TAAR1: variants seen among roughly 807,000 people sequenced by gnomAD.
TAAR1 encodes trace amine associated receptor 1.
A neutral mutation model predicts 1.2 loss-of-function variants in TAAR1; 1 was observed. The observed-to-expected ratio is 0.81, with a 90% CI of 0.29 to 3.86. TAAR1 has a LOEUF of 3.86. Among genes scored for constraint, TAAR1 ranks in the 30% most tolerant of loss-of-function variants. TAAR1 has a pLI of 0.18. For missense variants in TAAR1, 445 were observed against 405.6 expected (o/e 1.10, Z -0.83); for synonymous variants, 153 against 132.2 (o/e 1.16, Z -1.08).
intron 1 of TAAR1, among the ~76,000 whole-genome samples, chr6:132,652,541 G>A (rs1410009283): frequency 1.3e-5 from 2 of 150,046 alleles, no homozygotes; most frequent in African/African-American, 2.5e-5. Flanking sequence ...TCCTGACCTC[G>A]TGATCCGCCT....
chr6:132,658,168 A>T (rs75163823), intron 1 of TAAR1, among the ~76,000 whole-genome samples: 4,657 of 152,264 alleles, frequency 0.031, 273 homozygotes, highest in African/African-American at 0.1. Flanking sequence ...TTTAATAAAC[A>T]TACTAAAATA....
chr6:132,649,942 C>T (rs993385504), intron 1 of TAAR1, among the ~76,000 whole-genome samples: 5 of 152,128 alleles, frequency 3.3e-5, no homozygotes, highest in South Asian at 2.1e-4. Flanking sequence ...TGTCACTGTC[C>T]GTAACGCTAC....
intron 1 of TAAR1, among the ~76,000 whole-genome samples, chr6:132,653,915 T>C (rs1309117655): frequency 3.3e-5 from 5 of 152,186 alleles, no homozygotes; most frequent in African/African-American, 1.2e-4. Context: ...TACAACCAGT[T>C]TGAGTTTATG....
chr6:132,645,125 G>A lies in TAAR1; in HGVS notation c.879C>T (p.Gly293=). The part of the protein sequence containing the change: ...PTLNDVLIWF[G]YLNSTFNPMV... ...TTGGATTAAATGTAGAGTTCAAGTA[G>A]CCAAACCAAATCAATACATCATTCA... is the stretch of plus-strand genomic sequence containing the variant. Residue 293 remains glycine (G), a synonymous_variant, in exon 2 of 2, where the codon GGC becomes GGT. Coordinates refer to ENST00000275216, the MANE Select transcript of TAAR1 (RefSeq NM_138327.4). 1 of 1,613,116 alleles carries A rather than the reference G, an allele frequency of 6.2e-7. No individual in the cohort carries two copies. The highest frequency in any genetic ancestry group is 8.5e-7 in the Non-Finnish European group (1 of 1,179,564).
Position 132,645,021 on chromosome 6 carries a change from G to A in TAAR1, c.983C>T (p.Ser328Leu). Reference sequence around the variant, plus strand: ...TTCCAAAAATAATTTACACCTGGATGAATCTTTTTGGAAAATTTTACCAAA... The same window carrying A: ...TTCCAAAAATAATTTACACCTGGATAAATCTTTTTGGAAAATTTTACCAAA... ...MLFGKIFQKD[S>L]SRCKLFLELS... The change falls in exon 2 of 2, where the codon TCA (serine) becomes TTA (leucine). Residue 328 changes from serine to leucine, a missense_variant. Transcript: ENST00000275216. 1 of 1,582,412 alleles carries A rather than the reference G, an allele frequency of 6.3e-7. No homozygotes were observed.
rs137941823 is a variant in TAAR1, at chr6:132,645,324, G to A, written c.680C>T (p.Ala227Val). Residue 227 changes from alanine to valine, a missense_variant, in exon 2 of 2, where the codon GCC (alanine) becomes GTC (valine). Coordinates refer to ENST00000275216, the MANE Select transcript of TAAR1 (RefSeq NM_138327.4). ...AKEQARLISD[A>V]NQKLQIGLEM... ...CAATCCAATTTGGAGCTTCTGATTG[G>A]CATCACTAATTAATCTTGCCTGTTC... is the stretch of plus-strand genomic sequence containing the variant. The A allele has an allele frequency of 1.2e-6, 2 of 1,613,232 alleles. No homozygotes were observed. The highest frequency in any genetic ancestry group is 1.3e-5 in the African/African-American group (1 of 74,786).
In TAAR1 at chr6:132,644,958, T is replaced by C; in HGVS notation, c.*26A>G. Reference sequence around the variant, plus strand: ...TTCATAAATATGATCATCAACCGATTTGCAAAACAGTAAAATATAATAATT... The same window carrying C: ...TTCATAAATATGATCATCAACCGATCTGCAAAACAGTAAAATATAATAATT... On this transcript the variant is annotated 3_prime_UTR_variant, in exon 2 of 2. Transcript: ENST00000275216. 1 of 1,493,656 alleles carries C rather than the reference T, an allele frequency of 6.7e-7. No homozygotes were observed. Among genetic ancestry groups the C allele is most frequent in the Middle Eastern group, 2.1e-4 (1 of 4,796 alleles). 92.5% of individuals were successfully genotyped at this position (1,493,656 alleles called of 1,614,324 possible). A position where few individuals can be genotyped will look rare whatever the true frequency, so the allele number is the denominator to read the frequency against.
intron 1 of TAAR1, among the ~76,000 whole-genome samples, chr6:132,650,537 T>C (rs1777739103): frequency 6.6e-6 from 1 of 152,254 alleles, no homozygotes; most frequent in Non-Finnish European, 1.5e-5. Flanking sequence ...GAGATGACTA[T>C]TTCATGCCTT....
Position 132,645,523 on chromosome 6 carries a change from GA to G in TAAR1, c.480del (p.Leu161TrpfsTer3). The G allele has an allele frequency of 6.2e-7, 1 of 1,613,688 alleles. No individual in the cohort carries two copies. Among genetic ancestry groups the G allele is most frequent in the East Asian group, 2.2e-5 (1 of 44,868 alleles). On this transcript the variant is annotated frameshift_variant, in exon 2 of 2. Coordinates refer to ENST00000275216, the MANE Select transcript of TAAR1 (RefSeq NM_138327.4). LOFTEE classifies it low-confidence loss of function (END_TRUNC). ...TCAGCGCCTTTGAAGTTTAGCTCCA[GA>G]AAGATCATTCCAAATGCAAAAACAG... ...VPAVFAFGMI[F>X]LELNFKGAEE... is the part of the protein sequence containing the mutation.
At chr6:132,647,678 A>T (rs911889108) in intron 1 of TAAR1, among the ~76,000 whole-genome samples, 2 of 151,262 alleles carry the variant, frequency 1.3e-5, no homozygotes, top group African/African-American at 2.4e-5. Context: ...GAAAGAAAGA[A>T]AGAAGAAAGA....
At position 132,644,889 on chromosome 6, in the gene TAAR1, A is replaced by G; in HGVS notation, c.*95T>C. ...TACTTTGACTCAAGTAACTGATTTA[A>G]AAAAAAATCCATGTGGTTGGTGCAT... On this transcript the variant is annotated 3_prime_UTR_variant, in exon 2 of 2. Transcript: ENST00000275216. 1 of 1,070,840 alleles carries G rather than the reference A, an allele frequency of 9.3e-7. No homozygotes were observed. The highest frequency in any genetic ancestry group is 1.3e-6 in the Non-Finnish European group (1 of 765,674). 66.3% of individuals were successfully genotyped at this position (1,070,840 alleles called of 1,614,324 possible).
chr6:132,648,217 T>G (rs1777709085), intron 1 of TAAR1, among the ~76,000 whole-genome samples: 1 of 152,214 alleles, frequency 6.6e-6, no homozygotes, highest in Non-Finnish European at 1.5e-5. Context: ...TCCCTCTCTT[T>G]TCCTTCTTTC....
rs965503512 is a variant in TAAR1 at position 132,643,558 on chromosome 6, T to C, written c.*1426A>G. Among the ~76,000 whole-genome samples the C allele has an allele frequency of 6.6e-6, 1 of 152,032 alleles. No homozygotes were observed. Among genetic ancestry groups the C allele is most frequent in the East Asian group, 1.9e-4 (1 of 5,194 alleles). On this transcript the variant is annotated 3_prime_UTR_variant, in exon 2 of 2. Coordinates refer to ENST00000275216, the MANE Select transcript of TAAR1 (RefSeq NM_138327.4). Reference sequence around the variant, plus strand: ...TACTCCAGAAACAGACTATAATTTCTGGAAGGATTTCACATATCCTCCGGA... The same window carrying C: ...TACTCCAGAAACAGACTATAATTTCCGGAAGGATTTCACATATCCTCCGGA...
Position 132,645,772 on chromosome 6 carries a change from G to C in TAAR1, c.232C>G (p.Pro78Ala). 1.9e-6 allele frequency: 3 copies of C among 1,613,702 alleles called. No individual in the cohort carries two copies. The highest frequency in any genetic ancestry group is 2.5e-6 in the Non-Finnish European group (3 of 1,179,830). ...TCAGCAGATCTCACCATACTGTAAG[G>C]CATGACCAGACACCCCAGAAGAAAG... ...VDFLLGCLVM[P>A]YSMVRSAEHC... is the part of the protein sequence containing the mutation. The change falls in exon 2 of 2, where the codon CCT (proline) becomes GCT (alanine). Residue 78 changes from proline to alanine, a missense_variant. Pro to Ala is a conservative substitution (Grantham distance 27). Transcript: ENST00000275216.
chr6:132,652,667 G>A (rs527515267), intron 1 of TAAR1, among the ~76,000 whole-genome samples: 165 of 147,250 alleles, frequency 1.1e-3, no homozygotes, highest in African/African-American at 4.0e-3. Flanking sequence ...TAAAAGAAAA[G>A]GATAGAAGAA....
intron 1 of TAAR1, among the ~76,000 whole-genome samples, chr6:132,649,314 C>A (rs1012069962): frequency 1.3e-5 from 2 of 152,180 alleles, no homozygotes; most frequent in Non-Finnish European, 2.9e-5. Flanking sequence ...TCCCCTGCAA[C>A]CTTGTCAATG....
chr6:132,651,327 T>C (rs1016945242), intron 1 of TAAR1, among the ~76,000 whole-genome samples: 1 of 152,222 alleles, frequency 6.6e-6, no homozygotes, highest in East Asian at 1.9e-4. Context: ...GAGTATCATA[T>C]GAATACTTCC....
chr6:132,654,329 G>A (rs1166135354), intron 1 of TAAR1, among the ~76,000 whole-genome samples: 1 of 152,176 alleles, frequency 6.6e-6, no homozygotes, highest in Non-Finnish European at 1.5e-5. Flanking sequence ...AATAGACACT[G>A]CTGAAATTTT....
chr6:132,647,426 T>A (rs1777687543), intron 1 of TAAR1, among the ~76,000 whole-genome samples: 1 of 136,134 alleles, frequency 7.3e-6, no homozygotes, highest in Non-Finnish European at 1.6e-5. Context: ...TGTACATATA[T>A]ATAAAGAGAA....
Sources: gnomAD v4.1 joint callset for allele counts (sites outside exome capture counted in the v4.1 genomes callset) on GRCh38, gnomAD v4.1.1 for gene constraint, MANE v1.5 for transcripts, NCBI Gene and HGNC (gene_info 2026-07-23, HGNC 2026-07-21) for gene names.